The following DLGAP4 variants were observed in gnomAD, a reference collection of about 807,000 sequenced individuals.
DLGAP4 encodes disks large-associated protein 4.
In DLGAP4, 18 loss-of-function variants were observed where a neutral mutation model predicts 86.9. The observed-to-expected ratio is 0.21, with a 90% CI of 0.14 to 0.31. The LOEUF (loss-of-function observed/expected upper bound fraction) is 0.31. Ranked by LOEUF, DLGAP4 falls within the 10% of genes least tolerant of loss-of-function variation. The pLI is 1.00. For synonymous variants in DLGAP4, 548 were observed against 574.3 expected (o/e 0.95, Z 0.65); for missense variants, 1,085 against 1,362.6 (o/e 0.80, Z 3.21).
intron 8 of DLGAP4, 25 bp from the exon 9 acceptor site, chr20:36,499,563 G>T: frequency 6.2e-7 from 1 of 1,608,978 alleles, no homozygotes; most frequent in African/African-American, 1.3e-5. Context: ...TCTCCGTGCC[G>T]TTGCTGTCGT....
Position 36,497,475 on chromosome 20 carries a change from C to T in DLGAP4, c.2010+409C>T, listed in dbSNP as rs530210024. 29 of 1,023,240 alleles carry T rather than the reference C, an allele frequency of 2.8e-5. No individual in the cohort carries two copies. In the African/African-American group the frequency reaches 3.9e-4, roughly 14 times the overall value. The allele number at this position is 1,023,240 out of a possible 1,614,324, so 63.4% of individuals were successfully genotyped here. On this transcript the variant is annotated intron_variant, in intron 8 of 12. Coordinates refer to ENST00000339266, the MANE Select transcript of DLGAP4 (RefSeq NM_001365621.2). The stretch of plus-strand genomic sequence containing the variant: ...AGCTCGGGTGCGGAGGCCATAGCCC[C>T]GCTTGGCGGCAGGAGCAGCATGGAG...
intron 7 of DLGAP4, among the ~76,000 whole-genome samples, chr20:36,470,671 C>T (rs1218589947): frequency 1.3e-5 from 2 of 151,974 alleles, no homozygotes; most frequent in Non-Finnish European, 2.9e-5. Flanking sequence ...TAGAAATACT[C>T]AGCATCACGT....
intron 10 of DLGAP4, among the ~76,000 whole-genome samples, chr20:36,516,660 C>A (rs1049819561): frequency 3.5e-5 from 5 of 142,446 alleles, no homozygotes; most frequent in African/African-American, 1.3e-4. Context: ...AGCTAGACTC[C>A]GTCTCAGGAA....
intron 2 of DLGAP4, among the ~76,000 whole-genome samples, chr20:36,385,176 A>G (rs1435964257): frequency 6.6e-6 from 1 of 152,076 alleles, no homozygotes; most frequent in Non-Finnish European, 1.5e-5. Flanking sequence ...TAGCCCCACG[A>G]AGATGAGGAA....
chr20:36,427,439 T>C (rs556091274), intron 2 of DLGAP4, among the ~76,000 whole-genome samples: 1 of 150,122 alleles, frequency 6.7e-6, no homozygotes, highest in Non-Finnish European at 1.5e-5. Flanking sequence ...GACCACACCA[T>C]TGCACTCCAA....
intron 3 of DLGAP4, among the ~76,000 whole-genome samples, chr20:36,433,663 T>G (rs907548778): frequency 6.6e-6 from 1 of 151,734 alleles, no homozygotes; most frequent in Non-Finnish European, 1.5e-5. Context: ...TTTTTTTTTT[T>G]AGACAGAGTT....
At chr20:36,451,628 G>A (rs2033738487) in intron 7 of DLGAP4, among the ~76,000 whole-genome samples, 1 of 152,182 alleles carries the variant, frequency 6.6e-6, no homozygotes, top group Admixed American at 6.5e-5. Context: ...TGGGATTACA[G>A]GTGTGAGCCA....
At chr20:36,497,571 T>C (rs1600655491) in intron 8 of DLGAP4, 7 of 988,548 alleles carry the variant, frequency 7.1e-6, no homozygotes, top group African/African-American at 5.2e-5. Context: ...GAGGGGAACT[T>C]TGCCCAGAGC....
intron 10 of DLGAP4, among the ~76,000 whole-genome samples, chr20:36,512,047 A>ATTTT (rs72011781): frequency 8.6e-5 from 10 of 116,072 alleles, no homozygotes; most frequent in Admixed American, 4.3e-4. Context: ...TGTCTCTCTG[A>ATTTT]TTTTTTTTTT....
chr20:36,341,075 CTG>C (rs1174766460), intron 1 of DLGAP4, among the ~76,000 whole-genome samples: 8 of 152,206 alleles, frequency 5.3e-5, no homozygotes, highest in Non-Finnish European at 7.3e-5. Flanking sequence ...AAGAGGGAAA[CTG>C]AGGCCAGAGA....
intron 1 of DLGAP4, among the ~76,000 whole-genome samples, chr20:36,336,266 C>G (rs187013925): frequency 2.6e-5 from 4 of 152,104 alleles, no homozygotes; most frequent in African/African-American, 7.2e-5. Flanking sequence ...CTGTTGATGC[C>G]CCATCCTGAT....
intron 10 of DLGAP4, among the ~76,000 whole-genome samples, chr20:36,520,617 G>C (rs1449683846): frequency 2.6e-5 from 4 of 152,174 alleles, no homozygotes; most frequent in Non-Finnish European, 5.9e-5. Context: ...AAAGGGCTAG[G>C]ATTATAGGCA....
At chr20:36,409,755 C>T (rs1436684795) in intron 2 of DLGAP4, among the ~76,000 whole-genome samples, 2 of 151,022 alleles carry the variant, frequency 1.3e-5, no homozygotes, top group African/African-American at 2.4e-5. Flanking sequence ...TCCTCCTGGC[C>T]GGGCGCAGTG....
rs115832536 is a variant in DLGAP4 at position 36,403,691 on chromosome 20, C to T, written c.-72-27955C>T. 4.9e-3 allele frequency among the ~76,000 whole-genome samples: 753 copies of T among 152,320 alleles called. 9 individuals are homozygous for T. Among genetic ancestry groups the T allele is most frequent in the African/African-American group, 0.018 (731 of 41,566 alleles). ...GCAAAACAACTTTAGCAGCCTAAAA[C>T]AACACTAAACACATGTTATCACACA... On this transcript the variant is annotated intron_variant, in intron 2 of 12. Coordinates refer to ENST00000339266, the MANE Select transcript of DLGAP4 (RefSeq NM_001365621.2).
At chr20:36,371,023 A>G (rs1038384096) in intron 2 of DLGAP4, among the ~76,000 whole-genome samples, 5 of 152,168 alleles carry the variant, frequency 3.3e-5, no homozygotes, top group African/African-American at 1.2e-4. Flanking sequence ...CATTTTACAA[A>G]TGAGAGGACT....
In DLGAP4 at chr20:36,470,108, A is replaced by AACTAAATCT. The variant is rs1258818388; in HGVS notation, c.1648+23171_1648+23172insACTAAATCT. ...AGGAACTAAATCTCGGAGGAAAGGG[A>AACTAAATCT]CTTGCCAGGATCCCATACTGAGAGA... On this transcript the variant is annotated intron_variant, in intron 7 of 12. Transcript: ENST00000339266. Among the ~76,000 whole-genome samples the AACTAAATCT allele has an allele frequency of 1.1e-3, 173 of 152,148 alleles. 1 individual carries two copies. The highest frequency in any genetic ancestry group is 4.1e-3 in the African/African-American group (170 of 41,504).
intron 1 of DLGAP4, among the ~76,000 whole-genome samples, chr20:36,342,698 C>T (rs1569463812): frequency 6.6e-6 from 1 of 152,228 alleles, no homozygotes; most frequent in Non-Finnish European, 1.5e-5. Flanking sequence ...ACTGGCTCCT[C>T]TGCCGCATAG....
At chr20:36,309,611 G>C (rs2065035308) in intron 1 of DLGAP4, among the ~76,000 whole-genome samples, 1 of 152,240 alleles carries the variant, frequency 6.6e-6, no homozygotes, top group East Asian at 1.9e-4. Context: ...GTCTCTACAA[G>C]AGGGAGAGGG....
chr20:36,484,677 A>T (rs563447135), intron 7 of DLGAP4, among the ~76,000 whole-genome samples: 1 of 152,304 alleles, frequency 6.6e-6, no homozygotes, highest in South Asian at 2.1e-4. Flanking sequence ...GGCTGCCTCC[A>T]CCTCAAGGTT....
Sources: gnomAD v4.1 joint callset for allele counts (sites outside exome capture counted in the v4.1 genomes callset) on GRCh38, gnomAD v4.1.1 for gene constraint, MANE v1.5 for transcripts, NCBI Gene and HGNC (gene_info 2026-07-23, HGNC 2026-07-21) for gene names.